TMEM132B: variants seen among roughly 807,000 people sequenced by gnomAD.
TMEM132B encodes transmembrane protein 132B.
TMEM132B carries 18 observed loss-of-function variants against 90.8 expected under a neutral mutation model. The observed-to-expected ratio is 0.20, with a 90% confidence interval of 0.14 to 0.29. The LOEUF is 0.29. TMEM132B is among the 10% of genes least tolerant of loss of function. The pLI is 1.00. For missense variants in TMEM132B, 1,096 were observed against 1,326.8 expected (o/e 0.83, Z 2.70); for synonymous variants, 504 against 523.3 (o/e 0.96, Z 0.50).
intron 4 of TMEM132B, among the ~76,000 whole-genome samples, chr12:125,581,309 AC>A (rs1171254759): frequency 6.6e-6 from 1 of 152,162 alleles, no homozygotes; most frequent in Admixed American, 6.5e-5. Flanking sequence ...GCAACTGACA[AC>A]CCAACTCAAA....
At chr12:125,455,746 A>AGCCCT (rs1881275996) in intron 3 of TMEM132B, among the ~76,000 whole-genome samples, 1 of 151,764 alleles carries the variant, frequency 6.6e-6, no homozygotes, top group Admixed American at 6.6e-5. Context: ...TCACGGCTCC[A>AGCCCT]GCCCCCTTGT....
chr12:125,240,762 G>T (rs1874044886), intron 1 of TMEM132B, among the ~76,000 whole-genome samples: 1 of 152,156 alleles, frequency 6.6e-6, no homozygotes, highest in Admixed American at 6.5e-5. Context: ...CCTAAGTTTT[G>T]TGTTCACGGA....
chr12:125,197,427 C>T (rs968184995), intron 1 of TMEM132B, among the ~76,000 whole-genome samples: 1 of 152,226 alleles, frequency 6.6e-6, no homozygotes, highest in African/African-American at 2.4e-5. Flanking sequence ...GGCCTCGGCT[C>T]CTGACTTGTT....
rs2240497 is a variant in TMEM132B, at chr12:125,655,520, T to A, written c.*810T>A. 0.55 allele frequency: 83,206 copies of A among 152,128 alleles called. 24,099 individuals carry two copies. Among genetic ancestry groups the A allele is most frequent in the African/African-American group, 0.75 (31,105 of 41,504 alleles). The allele number at this position is 152,128 out of a possible 1,614,324, so 9.4% of individuals were successfully genotyped here. On this transcript the variant is annotated 3_prime_UTR_variant, in exon 9 of 9. Transcript: ENST00000682704. Reference sequence around the variant, plus strand: ...CAGTGAGGGAGGGCCATCTCTTTACTGTTTTCTATGTGAAGTTTCAAACAT... The same window carrying A: ...CAGTGAGGGAGGGCCATCTCTTTACAGTTTTCTATGTGAAGTTTCAAACAT...
At chr12:125,257,596 C>A (rs891349029) in intron 1 of TMEM132B, among the ~76,000 whole-genome samples, 3 of 152,126 alleles carry the variant, frequency 2.0e-5, no homozygotes, top group Non-Finnish European at 2.9e-5. Flanking sequence ...ACCAGGATGA[C>A]CCCCATTCCT....
At position 125,209,151 on chromosome 12, in the gene TMEM132B, T is replaced by G. The variant is rs1593042087; in HGVS notation, c.67+22285T>G. Among the ~76,000 whole-genome samples, 1 of 151,842 alleles carries G rather than the reference T, an allele frequency of 6.6e-6. No homozygotes were observed. Among genetic ancestry groups the G allele is most frequent in the African/African-American group, 2.4e-5 (1 of 41,328 alleles). On this transcript the variant is annotated intron_variant, in intron 1 of 8. Coordinates refer to ENST00000682704, the MANE Select transcript of TMEM132B (RefSeq NM_001366854.1). This position sits in a 1 kb window ranked among gnomAD's most constrained non-coding sequence, Gnocchi z 4.4. ...CTGGGAAGCGGGAGCCAGCAGGTGGTGGTGAGAGGCTTGGGGATTAAAGGG... is the reference window on the plus strand; with the variant it reads ...CTGGGAAGCGGGAGCCAGCAGGTGGGGGTGAGAGGCTTGGGGATTAAAGGG...
At chr12:125,529,295 C>A (rs1162198037) in intron 4 of TMEM132B, among the ~76,000 whole-genome samples, 1 of 152,122 alleles carries the variant, frequency 6.6e-6, no homozygotes, top group East Asian at 1.9e-4. Context: ...TGAGGTCTCA[C>A]CATGTTGCTC....
intron 2 of TMEM132B, among the ~76,000 whole-genome samples, chr12:125,405,770 A>T (rs1879454754): frequency 6.6e-6 from 1 of 152,228 alleles, no homozygotes; most frequent in Non-Finnish European, 1.5e-5. Flanking sequence ...TGTAAAGAGG[A>T]TTAAATATGT....
rs182809352 is a variant in TMEM132B at position 125,398,532 on chromosome 12, G to A, written c.960-16999G>A. 2.2e-3 allele frequency among the ~76,000 whole-genome samples: 341 copies of A among 152,272 alleles called. 2 individuals carry two copies. The highest frequency in any genetic ancestry group is 4.0e-3 in the Non-Finnish European group (272 of 68,020). ...CAGGGAGGCAGTAGGGACTGGCGGT[G>A]GGGGGGATGTGGTAACTGGAGAGTG... On this transcript the variant is annotated intron_variant, in intron 2 of 8. Transcript: ENST00000682704.
intron 4 of TMEM132B, among the ~76,000 whole-genome samples, chr12:125,572,276 A>G (rs929397676): frequency 1.3e-5 from 2 of 152,224 alleles, no homozygotes; most frequent in African/African-American, 4.8e-5. Flanking sequence ...TCCTGAATGC[A>G]ACAGCACTGG....
chr12:125,538,961 C>T (rs1392276665), intron 4 of TMEM132B, among the ~76,000 whole-genome samples: 1 of 152,138 alleles, frequency 6.6e-6, no homozygotes, highest in Non-Finnish European at 1.5e-5. Context: ...CCATTCACTC[C>T]GTCTCCACTG....
chr12:125,614,523 C>T (rs1453692550), intron 5 of TMEM132B, among the ~76,000 whole-genome samples: 1 of 152,118 alleles, frequency 6.6e-6, no homozygotes, highest in Non-Finnish European at 1.5e-5. Flanking sequence ...CACTGATGGG[C>T]ACCTGGGTAG....
chr12:125,397,666 A>G (rs982834145), intron 2 of TMEM132B, among the ~76,000 whole-genome samples: 6 of 152,228 alleles, frequency 3.9e-5, no homozygotes, highest in African/African-American at 9.6e-5. Context: ...TTTGTGGAGC[A>G]TAAGGACCAG....
At chr12:125,565,149 C>T (rs1333215628) in intron 4 of TMEM132B, among the ~76,000 whole-genome samples, 2 of 152,192 alleles carry the variant, frequency 1.3e-5, no homozygotes, top group African/African-American at 4.8e-5. Flanking sequence ...TCAGAGGGAG[C>T]TTAAATGACT....
rs191649685 is a variant in TMEM132B at position 125,349,927 on chromosome 12, G to T, written c.543G>T (p.Leu181=). The part of the protein sequence containing the change: ...EAREVAASCR[L]QGAPGLCVAE... ...GGGAAGTGGCAGCCAGCTGTCGGCT[G>T]CAAGGGGCCCCAGGGCTGTGTGTGG... The change falls in exon 2 of 9, where the codon CTG becomes CTT. Residue 181 remains leucine (L), a synonymous_variant. Transcript: ENST00000682704. This position sits in a 1 kb window ranked among gnomAD's most constrained non-coding sequence, Gnocchi z 4.1. The T allele has an allele frequency of 1.1e-4, 173 of 1,614,222 alleles. 1 individual carries two copies. The African/African-American group carries it at 2.1e-3, about 19-fold the overall frequency.
chr12:125,544,564 A>G (rs1884041841), intron 4 of TMEM132B, among the ~76,000 whole-genome samples: 1 of 152,218 alleles, frequency 6.6e-6, no homozygotes, highest in South Asian at 2.1e-4. Flanking sequence ...TGCTGATATC[A>G]GTAGAAGGGA....
chr12:125,198,445 G>A (rs1180667589), intron 1 of TMEM132B, among the ~76,000 whole-genome samples: 1 of 152,170 alleles, frequency 6.6e-6, no homozygotes, highest in Non-Finnish European at 1.5e-5. Flanking sequence ...TGATGGCAAA[G>A]CTGGCCACAG....
At chr12:125,243,599 G>T (rs1334787698) in intron 1 of TMEM132B, among the ~76,000 whole-genome samples, 1 of 152,130 alleles carries the variant, frequency 6.6e-6, no homozygotes, top group Non-Finnish European at 1.5e-5. Context: ...AGCCACTGTG[G>T]CCAGCCACAA....
intron 1 of TMEM132B, among the ~76,000 whole-genome samples, chr12:125,253,227 G>C (rs950551655): frequency 6.6e-6 from 1 of 152,054 alleles, no homozygotes; most frequent in East Asian, 1.9e-4. Context: ...CATGAGAGCT[G>C]GGTCCCTGAG....
Sources: gnomAD v4.1 joint callset for allele counts (sites outside exome capture counted in the v4.1 genomes callset) on GRCh38, gnomAD v4.1.1 for gene constraint, Gnocchi (gnomAD v3.1) non-coding constraint, MANE v1.5 for transcripts, NCBI Gene and HGNC (gene_info 2026-07-23, HGNC 2026-07-21) for gene names.